NISCH: variants seen among roughly 807,000 people sequenced by gnomAD.
NISCH encodes I-1 receptor candidate protein.
Under a neutral mutation model 138.4 loss-of-function variants are expected in NISCH, and 55 were observed. That is an observed-to-expected ratio of 0.40 (90% CI 0.32 to 0.50). The LOEUF is 0.50. NISCH is among the 20% of genes least tolerant of loss of function. NISCH has a pLI of 0.71. For synonymous variants in NISCH, 860 were observed against 861.5 expected, an observed-to-expected ratio of 1.00 and a Z score of 0.03; for missense variants, 1,643 against 2,005.5, an observed-to-expected ratio of 0.82 and a Z score of 3.45.
intron 6 of NISCH, among the ~76,000 whole-genome samples, chr3:52,472,805 G>A (rs1706989984): frequency 6.6e-6 from 1 of 152,214 alleles, no homozygotes; most frequent in South Asian, 2.1e-4. Context: ...TGCCCTCTGG[G>A]GCACCCACAC....
chr3:52,477,867 T>A, intron 9 of NISCH: 1 of 627,746 alleles, frequency 1.6e-6, no homozygotes, highest in Non-Finnish European at 2.8e-6. Flanking sequence ...ACCTCCGTCC[T>A]GAAGGTGGAC....
intron 20 of NISCH, 49 bp downstream of exon 20, chr3:52,491,562 A>C (rs1707566466): frequency 5.1e-6 from 8 of 1,567,164 alleles, no homozygotes; most frequent in East Asian, 4.6e-5. Flanking sequence ...GACAGACGTC[A>C]TGGGCCCCAG....
In NISCH at chr3:52,486,192, C is replaced by T. The variant is rs61651301; in HGVS notation, c.1703+365C>T. On this transcript the variant is annotated intron_variant, in intron 15 of 20. Transcript: ENST00000345716. ...TGGCGTGTTCTTGGCTCACTGCAAC[C>T]CCCGCCTCCCAGATTAATGCAATTT... Among the ~76,000 whole-genome samples the T allele has an allele frequency of 6.4e-3, 972 of 152,188 alleles. 14 individuals are homozygous for T. Among genetic ancestry groups the T allele is most frequent in the African/African-American group, 0.022 (926 of 41,482 alleles).
In NISCH at chr3:52,456,586, C is replaced by T. The variant is rs6766172; in HGVS notation, c.93+852C>T. ...CCCTGCCTCCTCCCCTTTGTTCCCG[C>T]AGGGTAGGGAGTGGGTGGGGGCCTT... On this transcript the variant is annotated intron_variant, in intron 1 of 20. Coordinates refer to ENST00000345716, the MANE Select transcript of NISCH (RefSeq NM_007184.4). 1.2e-3 allele frequency among the ~76,000 whole-genome samples: 181 copies of T among 152,334 alleles called. 2 individuals carry two copies. The highest frequency in any genetic ancestry group is 3.8e-3 in the African/African-American group (157 of 41,564).
At chr3:52,490,906 C>T (rs1300955529) in intron 19 of NISCH, 73 bp downstream of exon 19, 29 of 1,579,598 alleles carry the variant, frequency 1.8e-5, no homozygotes, top group Non-Finnish European at 2.2e-5. Flanking sequence ...ACCTTCCGTA[C>T]GTGGGTGGGT....
chr3:52,474,276 G>A (rs537042066), intron 7 of NISCH, among the ~76,000 whole-genome samples: 4 of 151,916 alleles, frequency 2.6e-5, no homozygotes, highest in East Asian at 1.9e-4. Flanking sequence ...ACCATGCCCC[G>A]CTAAGTTTTG....
chr3:52,481,340 A>G, intron 13 of NISCH: 2 of 996,702 alleles, frequency 2.0e-6, no homozygotes, highest in Non-Finnish European at 2.4e-6. Context: ...AGAGCAGCAC[A>G]CTGAGGTCAC....
At chr3:52,462,560 A>G (rs913300975) in intron 3 of NISCH, among the ~76,000 whole-genome samples, 20 of 152,318 alleles carry the variant, frequency 1.3e-4, no homozygotes, top group Middle Eastern at 6.8e-3. Flanking sequence ...ATTGTTCCAC[A>G]TGTGTTCTGC....
rs1445520885 is a variant in NISCH, at chr3:52,482,244, T to C, written c.1528+1949T>C. The stretch of plus-strand genomic sequence containing the variant: ...GGGAGCAGCTTTGCTGACCCATGCC[T>C]GTTGCTTCCAGCCTGATTCCCGAGA... On this transcript the variant is annotated intron_variant, in intron 13 of 20. Transcript: ENST00000345716. Among the ~76,000 whole-genome samples, 3 of 152,226 alleles carry C rather than the reference T, an allele frequency of 2.0e-5. No individual in the cohort carries two copies. The South Asian group carries it at 6.2e-4, about 32-fold the overall frequency.
chr3:52,489,747 A>G, intron 17 of NISCH, 69 bp downstream of exon 17: 2 of 1,557,746 alleles, frequency 1.3e-6, no homozygotes, highest in Non-Finnish European at 8.6e-7. Context: ...GCTTGGCTTC[A>G]GGTCAGCCTC....
At chr3:52,467,423 T>G (rs1214439449) in intron 3 of NISCH, among the ~76,000 whole-genome samples, 5 of 152,146 alleles carry the variant, frequency 3.3e-5, no homozygotes, top group African/African-American at 1.2e-4. Context: ...CCACCCCGCC[T>G]CCTCCTGGCG....
chr3:52,487,736 C>T lies in NISCH; in HGVS notation c.2244C>T (p.Gly748=). The stretch of plus-strand genomic sequence containing the variant: ...AGATCCCGCACCAGGAGTCTCGGGG[C>T]AGCAGCCAGCACATCCTCTCCTCCC... ...VFEIPHQESR[G]SSQHILSSLR... Residue 748 remains glycine, a synonymous_variant, in exon 16 of 21, where the codon GGC becomes GGT. Coordinates refer to ENST00000345716, the MANE Select transcript of NISCH (RefSeq NM_007184.4). This position sits in a 1 kb window ranked among gnomAD's most constrained non-coding sequence, Gnocchi z 9.1. The T allele has an allele frequency of 6.2e-7, 1 of 1,613,800 alleles. No homozygotes were observed. Among genetic ancestry groups the T allele is most frequent in the Non-Finnish European group, 8.5e-7 (1 of 1,180,024 alleles).
chr3:52,463,618 A>AT (rs895906749), intron 3 of NISCH, among the ~76,000 whole-genome samples: 13 of 134,792 alleles, frequency 9.6e-5, no homozygotes, highest in Admixed American at 5.1e-4. Context: ...CTTCTTGTCC[A>AT]TTTTTTTTTA....
chr3:52,478,301 C>G lies in NISCH; in HGVS notation c.1173+19C>G, dbSNP rs760078365. On this transcript the variant is annotated intron_variant, in intron 10 of 20. Coordinates refer to ENST00000345716, the MANE Select transcript of NISCH (RefSeq NM_007184.4). ...CGAACAGGTGAGCCCAAGGACCTCACAGTTTTGGGATTTCTGTGCCTTGGT... is the reference window on the plus strand; with the variant it reads ...CGAACAGGTGAGCCCAAGGACCTCAGAGTTTTGGGATTTCTGTGCCTTGGT... The G allele has an allele frequency of 2.5e-6, 4 of 1,611,916 alleles. No homozygotes were observed. In the Admixed American group the frequency reaches 6.7e-5, roughly 27 times the overall value.
At chr3:52,491,745 C>T in intron 20 of NISCH, 127 bp from the exon 21 acceptor site, 1 of 1,308,308 alleles carries the variant, frequency 7.6e-7, no homozygotes, top group Non-Finnish European at 1.0e-6. Context: ...CCTGTGGGCC[C>T]CACACTTGGA....
chr3:52,472,048 G>A, intron 5 of NISCH, 71 bp downstream of exon 5: 2 of 1,478,172 alleles, frequency 1.4e-6, no homozygotes, highest in Non-Finnish European at 1.8e-6. Context: ...GGGACTGGCT[G>A]GCAGTTTGTG....
At position 52,468,307 on chromosome 3, in the gene NISCH, G is replaced by A. The variant is rs573058449; in HGVS notation, c.361-2552G>A. ...AAATGAGGTTTGTTCAGTACTGATC[G>A]TGGGGAACCCTTTCTCCTGAGATAA... On this transcript the variant is annotated intron_variant, in intron 3 of 20. Coordinates refer to ENST00000345716, the MANE Select transcript of NISCH (RefSeq NM_007184.4). 2.2e-4 allele frequency among the ~76,000 whole-genome samples: 33 copies of A among 152,242 alleles called. 1 individual carries two copies. In the South Asian group the frequency reaches 4.6e-3, roughly 21 times the overall value.
chr3:52,479,681 A>ATC, intron 11 of NISCH, 68 bp from the exon 12 acceptor site: 1 of 1,131,540 alleles, frequency 8.8e-7, no homozygotes, highest in Non-Finnish European at 1.3e-6. Flanking sequence ...GCTGATAGCC[A>ATC]TCACCAGTCC....
intron 20 of NISCH, 98 bp downstream of exon 20, chr3:52,491,611 GTC>G (rs1707567757): frequency 3.7e-6 from 5 of 1,362,108 alleles, no homozygotes; most frequent in Non-Finnish European, 4.9e-6. Flanking sequence ...CTGCCTCTAT[GTC>G]TCTCTTTTCT....
Sources: gnomAD v4.1 joint callset for allele counts (sites outside exome capture counted in the v4.1 genomes callset) on GRCh38, gnomAD v4.1.1 for gene constraint, Gnocchi (gnomAD v3.1) non-coding constraint, MANE v1.5 for transcripts, NCBI Gene and HGNC (gene_info 2026-07-23, HGNC 2026-07-21) for gene names.